PALLD: variants seen among roughly 807,000 people sequenced by gnomAD.
PALLD encodes palladin, cytoskeletal associated protein.
PALLD carries 61 observed loss-of-function variants against 123.5 expected under a neutral mutation model. The ratio of observed to expected loss-of-function variants is 0.49; its 90% CI spans 0.40 to 0.61. PALLD has a LOEUF of 0.61. Ranked by LOEUF, PALLD falls within the 20% of genes least tolerant of loss-of-function variation. PALLD has a pLI of 0.00. For synonymous variants in PALLD, 465 were observed against 496.4 expected (o/e 0.94, Z 0.84); for missense variants, 1,273 against 1,377.0 (o/e 0.92, Z 1.20).
intron 2 of PALLD, among the ~76,000 whole-genome samples, chr4:168,607,792 A>ATTGCTTAT (rs1170862809): frequency 6.6e-6 from 1 of 152,174 alleles, no homozygotes; most frequent in Non-Finnish European, 1.5e-5. Flanking sequence ...TGCAAGGAAA[A>ATTGCTTAT]GAAAATCCAC....
chr4:168,727,498 C>T (rs1389201420), intron 10 of PALLD, among the ~76,000 whole-genome samples: 1 of 152,078 alleles, frequency 6.6e-6, no homozygotes, highest in African/African-American at 2.4e-5. Context: ...TGTTTGTTGG[C>T]TGCTTGTATG....
At chr4:168,871,360 A>T (rs1751046262) in intron 10 of PALLD, among the ~76,000 whole-genome samples, 1 of 152,204 alleles carries the variant, frequency 6.6e-6, no homozygotes, top group Admixed American at 6.5e-5. Context: ...AATTCTTCAA[A>T]ATCTCAGAGA....
At chr4:168,721,176 A>T (rs1233980744) in intron 10 of PALLD, among the ~76,000 whole-genome samples, 1 of 152,254 alleles carries the variant, frequency 6.6e-6, no homozygotes, top group Non-Finnish European at 1.5e-5. Flanking sequence ...GAAGGAATAC[A>T]TGATGATAAC....
At chr4:168,516,554 T>C (rs368041943) in intron 2 of PALLD, among the ~76,000 whole-genome samples, 25 of 152,312 alleles carry the variant, frequency 1.6e-4, no homozygotes, top group African/African-American at 6.0e-4. Flanking sequence ...ACCATTTAAA[T>C]GTAAGGAGAC....
chr4:168,655,189 A>G (rs1422656348), intron 2 of PALLD, among the ~76,000 whole-genome samples: 1 of 152,214 alleles, frequency 6.6e-6, no homozygotes, highest in Admixed American at 6.5e-5. Flanking sequence ...TCTCCTTGGA[A>G]AGCTGACCTC....
chr4:168,872,824 A>T (rs567974700), intron 10 of PALLD, among the ~76,000 whole-genome samples: 1 of 152,246 alleles, frequency 6.6e-6, no homozygotes. Flanking sequence ...GAAGATATCA[A>T]TTGAGCTCTG....
At chr4:168,833,285 C>T (rs1183783026) in intron 10 of PALLD, among the ~76,000 whole-genome samples, 1 of 150,654 alleles carries the variant, frequency 6.6e-6, no homozygotes. Context: ...TGGGCTCGGG[C>T]ATCTTCCCAC....
At chr4:168,778,221 G>A (rs946010065) in intron 10 of PALLD, among the ~76,000 whole-genome samples, 9 of 152,048 alleles carry the variant, frequency 5.9e-5, no homozygotes, top group African/African-American at 2.2e-4. Flanking sequence ...AATGTTTTTA[G>A]TAGGATCTTT....
intron 10 of PALLD, among the ~76,000 whole-genome samples, chr4:168,889,136 T>TTTTGTGTGTGTG (rs1753778034): frequency 1.4e-5 from 1 of 71,770 alleles, no homozygotes; most frequent in Admixed American, 1.5e-4. Context: ...GTTTGCTTTA[T>TTTTGTGTGTGTG]TTTGTGTGTG....
chr4:168,752,139 G>A (rs1451123645), intron 10 of PALLD, among the ~76,000 whole-genome samples: 2 of 152,230 alleles, frequency 1.3e-5, no homozygotes, highest in Non-Finnish European at 2.9e-5. Flanking sequence ...TCGGGAGGCC[G>A]AGGCGGGTGG....
chr4:168,663,954 A>T (rs756051486), intron 2 of PALLD, among the ~76,000 whole-genome samples: 6 of 152,196 alleles, frequency 3.9e-5, no homozygotes, highest in Non-Finnish European at 5.9e-5. Context: ...ACTTTAGAAC[A>T]TGCATCCGAT....
At chr4:168,834,271 T>C (rs11721703) in intron 10 of PALLD, among the ~76,000 whole-genome samples, 53,746 of 151,876 alleles carry the variant, frequency 0.35, 10,827 homozygotes, top group Non-Finnish European at 0.46. Context: ...GCTGGGATGG[T>C]GTGGTAGCTC....
chr4:168,764,643 C>T (rs1013646727), intron 10 of PALLD, among the ~76,000 whole-genome samples: 1 of 151,992 alleles, frequency 6.6e-6, no homozygotes, highest in African/African-American at 2.4e-5. Flanking sequence ...ATTCCAAACC[C>T]TTTCTAACAG....
At chr4:168,864,118 T>G (rs1393675047) in intron 10 of PALLD, 1 of 152,230 alleles carries the variant, frequency 6.6e-6, no homozygotes, top group African/African-American at 2.4e-5. Context: ...TATACATGTA[T>G]ATATGCACAC....
At chr4:168,641,927 G>A (rs1379722508) in intron 2 of PALLD, among the ~76,000 whole-genome samples, 1 of 152,168 alleles carries the variant, frequency 6.6e-6, no homozygotes, top group Non-Finnish European at 1.5e-5. Context: ...TCCAGGAGGC[G>A]GATAGATGAC....
intron 3 of PALLD, among the ~76,000 whole-genome samples, chr4:168,673,696 T>G (rs12640015): frequency 6.6e-6 from 1 of 151,620 alleles, no homozygotes; most frequent in Non-Finnish European, 1.5e-5. Flanking sequence ...CAGATTCGAG[T>G]TGGGTTCAGA....
At chr4:168,531,224 G>A (rs1183209094) in intron 2 of PALLD, among the ~76,000 whole-genome samples, 1 of 152,104 alleles carries the variant, frequency 6.6e-6, no homozygotes, top group African/African-American at 2.4e-5. Flanking sequence ...AGAATGTTTG[G>A]TAATAAGACT....
In PALLD at chr4:168,913,636, A is replaced by G. The variant is rs146833375; in HGVS notation, c.2623-291A>G. On this transcript the variant is annotated intron_variant, in intron 15 of 21. Transcript: ENST00000505667. ...GTTACGGAGACCTTTGCAGGTTACA[A>G]TTAATCAAGGGTTGTCATTTTAAAT... is the stretch of plus-strand genomic sequence containing the variant. Among the ~76,000 whole-genome samples, 57 of 152,132 alleles carry G rather than the reference A, an allele frequency of 3.7e-4. 1 individual carries two copies. In the East Asian group the frequency reaches 0.011, roughly 29 times the overall value.
chr4:168,812,938 G>A (rs983315143), intron 10 of PALLD, among the ~76,000 whole-genome samples: 2 of 152,122 alleles, frequency 1.3e-5, no homozygotes, highest in Non-Finnish European at 2.9e-5. Flanking sequence ...CCCAGCCCCC[G>A]TGTAGATTCA....
Sources: allele counts gnomAD v4.1 joint callset (sites outside exome capture counted in the v4.1 genomes callset), GRCh38; gene constraint gnomAD v4.1.1; transcripts MANE v1.5; gene names NCBI Gene and HGNC (gene_info 2026-07-23, HGNC 2026-07-21).